Variants in DNMT3A observed in about 807,000 individuals in gnomAD.
The protein encoded by DNMT3A is DNA methyltransferase 3 alpha, also known as DNA (cytosine-5)-methyltransferase 3A.
In DNMT3A, 267 loss-of-function variants were observed where a neutral mutation model predicts 117.6. The ratio of observed to expected loss-of-function variants is 2.27; its 90% CI spans 2.05 to 2.51. DNMT3A has a LOEUF of 2.51. Ranked by LOEUF, DNMT3A falls within the 30% of genes most tolerant of loss-of-function variation. DNMT3A has a pLI of 0.00. For missense variants in DNMT3A, 1,029 were observed against 1,260.2 expected, an observed-to-expected ratio of 0.82 and a Z score of 2.78; for synonymous variants, 432 against 474.8, an observed-to-expected ratio of 0.91 and a Z score of 1.17.
chr2:25,258,353 G>C (rs868296143), intron 6 of DNMT3A, among the ~76,000 whole-genome samples: 3 of 152,222 alleles, frequency 2.0e-5, no homozygotes, highest in South Asian at 2.1e-4. Flanking sequence ...TCGGGCAGGG[G>C]CACCCCCCTA....
chr2:25,251,679 C>G (rs1675581803), intron 6 of DNMT3A, among the ~76,000 whole-genome samples: 1 of 152,182 alleles, frequency 6.6e-6, no homozygotes, highest in Non-Finnish European at 1.5e-5. Context: ...TGCTCTCCCG[C>G]CCCCCACCAC....
intron 1 of DNMT3A, among the ~76,000 whole-genome samples, chr2:25,318,433 C>A (rs979945384): frequency 1.4e-4 from 21 of 152,058 alleles, no homozygotes; most frequent in East Asian, 5.8e-4. Context: ...ACCACAGGCG[C>A]CCGTCACCAC....
chr2:25,304,761 C>T lies in DNMT3A; in HGVS notation c.73-4518G>A, dbSNP rs1248134436. Among the ~76,000 whole-genome samples, 4 of 152,224 alleles carry T rather than the reference C, an allele frequency of 2.6e-5. No individual in the cohort carries two copies. Among genetic ancestry groups the T allele is most frequent in the Non-Finnish European group, 5.9e-5 (4 of 68,040 alleles). ...TGGTCCCAACAGACAGCACCAAGCG[C>T]GAAAGCAAACTGCTTCCGGCCTCAG... On this transcript the variant is annotated intron_variant, in intron 2 of 22. Transcript: ENST00000321117. The surrounding 1 kb of genome is among the most constrained non-coding windows in gnomAD (Gnocchi z 4.3).
intron 16 of DNMT3A, among the ~76,000 whole-genome samples, 179 bp downstream of exon 16, chr2:25,243,719 G>A (rs1332392086): frequency 6.6e-6 from 1 of 152,210 alleles, no homozygotes; most frequent in African/African-American, 2.4e-5. Flanking sequence ...TTTATTTTTG[G>A]TCAAATCTAA....
In DNMT3A at chr2:25,264,623, C is replaced by T. The variant is rs377670708; in HGVS notation, c.639+10318G>A. Among the ~76,000 whole-genome samples the T allele has an allele frequency of 4.1e-4, 62 of 151,932 alleles. No homozygotes were observed. In the South Asian group the frequency reaches 6.5e-3, roughly 16 times the overall value. ...GCTGGGAGGTGCCTGCCACCACGCC[C>T]GGCTAATTTTTTGTATTTTTAGTAG... On this transcript the variant is annotated intron_variant, in intron 6 of 22. Coordinates refer to ENST00000321117, the MANE Select transcript of DNMT3A (RefSeq NM_022552.5).
intron 19 of DNMT3A, chr2:25,239,591 A>G: frequency 1.9e-6 from 1 of 522,528 alleles, no homozygotes; most frequent in Admixed American, 2.3e-5. Flanking sequence ...GGTGGCTACC[A>G]TATTGCACAG....
rs143004447 is a variant in DNMT3A, at chr2:25,270,329, G to A, written c.639+4612C>T. On this transcript the variant is annotated intron_variant, in intron 6 of 22. Coordinates refer to ENST00000321117, the MANE Select transcript of DNMT3A (RefSeq NM_022552.5). ...CAGCATTCGTCTACGCCCCATTCAG[G>A]GCAGCTCTTTCTGCAGGTGCTATGA... is the stretch of plus-strand genomic sequence containing the variant. Among the ~76,000 whole-genome samples, 154 of 152,268 alleles carry A rather than the reference G, an allele frequency of 1.0e-3. 1 individual carries two copies. The highest frequency in any genetic ancestry group is 3.3e-3 in the African/African-American group (138 of 41,552).
In DNMT3A at chr2:25,243,880, T is replaced by C. The variant is rs1479896305; in HGVS notation, c.1936+18A>G. On this transcript the variant is annotated intron_variant, in intron 16 of 22. Transcript: ENST00000321117. ...CTGGGACAAGGCGGCCAGCACCTCT[T>C]GGGCCTGCACCCCTCACCTGTAGCG... is the stretch of plus-strand genomic sequence containing the variant. 1 of 1,551,880 alleles carries C rather than the reference T, an allele frequency of 6.4e-7. No individual in the cohort carries two copies. Among genetic ancestry groups the C allele is most frequent in the Non-Finnish European group, 8.7e-7 (1 of 1,147,010 alleles).
intron 3 of DNMT3A, among the ~76,000 whole-genome samples, chr2:25,287,716 CCAGA>C (rs976027359): frequency 7.0e-6 from 1 of 142,392 alleles, no homozygotes; most frequent in Non-Finnish European, 1.6e-5. Context: ...AAACACCCCA[CCAGA>C]CAGAGGACAC....
intron 2 of DNMT3A, 39 bp from the exon 3 acceptor site, chr2:25,300,282 T>TC (rs1558721819): frequency 6.3e-7 from 1 of 1,595,446 alleles, no homozygotes; most frequent in Non-Finnish European, 8.5e-7. Context: ...CAGAGGTGGA[T>TC]CCCAGCAGTG....
At chr2:25,307,780 C>T (rs566231594) in intron 2 of DNMT3A, among the ~76,000 whole-genome samples, 2 of 152,276 alleles carry the variant, frequency 1.3e-5, no homozygotes, top group East Asian at 3.9e-4. Context: ...TTCTATTCTG[C>T]ACAGCTGAGC....
Position 25,247,332 on chromosome 2 carries a change from G to GA in DNMT3A, c.1015-175dup. ...AAGAGGAGTCCAGACCAAGAGTAGG[G>GA]AAGTACCTGAGTGCAGGTGGAAAGG... On this transcript the variant is annotated intron_variant, in intron 8 of 22. Transcript: ENST00000321117. This position sits in a 1 kb window ranked among gnomAD's most constrained non-coding sequence, Gnocchi z 5.6. The GA allele has an allele frequency of 1.3e-6, 1 of 775,528 alleles. No individual in the cohort carries two copies. The highest frequency in any genetic ancestry group is 2.1e-6 in the Non-Finnish European group (1 of 486,068). 48.0% of individuals were successfully genotyped at this position (775,528 alleles called of 1,614,324 possible). A position where few individuals can be genotyped will look rare whatever the true frequency, so the allele number is the denominator to read the frequency against.
In DNMT3A at chr2:25,232,469, A is replaced by T. The variant is rs576722244; in HGVS notation, c.*1810T>A. ...CACAGCTATCATCAGACCAAGTACT[A>T]GAAAAGAAATACACACCACTCCAAT... On this transcript the variant is annotated 3_prime_UTR_variant, in exon 23 of 23. Coordinates refer to ENST00000321117, the MANE Select transcript of DNMT3A (RefSeq NM_022552.5). The surrounding 1 kb of genome is among the most constrained non-coding windows in gnomAD (Gnocchi z 4.1). 1 of 152,228 alleles carries T rather than the reference A, an allele frequency of 6.6e-6. No individual in the cohort carries two copies. The highest frequency in any genetic ancestry group is 2.1e-4 in the South Asian group (1 of 4,834). 9.4% of individuals were successfully genotyped at this position (152,228 alleles called of 1,614,324 possible).
In DNMT3A at chr2:25,298,984, C is replaced by T. The variant is rs1016754364; in HGVS notation, c.177+1155G>A. Reference sequence around the variant, plus strand: ...CATTTCACTTCAGTCACCTTCAACCCGGCTCTCTACCCAAAGGGAGCAAGT... The same window carrying T: ...CATTTCACTTCAGTCACCTTCAACCTGGCTCTCTACCCAAAGGGAGCAAGT... On this transcript the variant is annotated intron_variant, in intron 3 of 22. Transcript: ENST00000321117. This position sits in a 1 kb window ranked among gnomAD's most constrained non-coding sequence, Gnocchi z 4.3. Among the ~76,000 whole-genome samples, 1 of 151,520 alleles carries T rather than the reference C, an allele frequency of 6.6e-6. No homozygotes were observed. The highest frequency in any genetic ancestry group is 2.4e-5 in the African/African-American group (1 of 41,142).
chr2:25,278,001 T>TCACACACACACACACACACA (rs71397475), intron 4 of DNMT3A, among the ~76,000 whole-genome samples: 6 of 90,494 alleles, frequency 6.6e-5, no homozygotes, highest in African/African-American at 1.1e-4. Context: ...ACTTGAGTGA[T>TCACACACACACACACACACA]CACACACACA....
At position 25,252,104 on chromosome 2, in the gene DNMT3A, T is replaced by G. The variant is rs1170644337; in HGVS notation, c.640-3852A>C. On this transcript the variant is annotated intron_variant, in intron 6 of 22. Coordinates refer to ENST00000321117, the MANE Select transcript of DNMT3A (RefSeq NM_022552.5). The surrounding 1 kb of genome is among the most constrained non-coding windows in gnomAD (Gnocchi z 5.5). Reference sequence around the variant, plus strand: ...CGGGCCGGGGAGGCATACTTCACTCTTTTCAAACCCGGAGGGCTGCGGAGA... The same window carrying G: ...CGGGCCGGGGAGGCATACTTCACTCGTTTCAAACCCGGAGGGCTGCGGAGA... The G allele has an allele frequency of 6.6e-7, 1 of 1,505,370 alleles. No individual in the cohort carries two copies. The highest frequency in any genetic ancestry group is 8.9e-7 in the Non-Finnish European group (1 of 1,117,608). 93.3% of individuals were successfully genotyped at this position (1,505,370 alleles called of 1,614,324 possible).
chr2:25,315,970 T>C (rs2034361203), intron 1 of DNMT3A, among the ~76,000 whole-genome samples: 1 of 152,226 alleles, frequency 6.6e-6, no homozygotes, highest in South Asian at 2.1e-4. Flanking sequence ...AGGGGTGGGA[T>C]CTACTCCTGA....
intron 2 of DNMT3A, among the ~76,000 whole-genome samples, chr2:25,309,849 C>T (rs564339407): frequency 3.8e-4 from 58 of 152,008 alleles, no homozygotes; most frequent in Non-Finnish European, 7.8e-4. Flanking sequence ...GTCAGGAGAT[C>T]GAGACCATGC....
intron 12 of DNMT3A, among the ~76,000 whole-genome samples, 200 bp downstream of exon 12, chr2:25,245,820 C>T (rs1674679748): frequency 6.6e-6 from 1 of 152,220 alleles, no homozygotes; most frequent in Non-Finnish European, 1.5e-5. Context: ...AGTCCCACAC[C>T]CTGAAGACCA....
Sources: gnomAD v4.1 joint callset for allele counts (sites outside exome capture counted in the v4.1 genomes callset) on GRCh38, gnomAD v4.1.1 for gene constraint, Gnocchi (gnomAD v3.1) non-coding constraint, MANE v1.5 for transcripts, NCBI Gene and HGNC (gene_info 2026-07-23, HGNC 2026-07-21) for gene names.